Variants in RUBCN observed in about 807,000 individuals in gnomAD.
RUBCN encodes the protein rubicon autophagy regulator, also known as run domain Beclin-1-interacting and cysteine-rich domain-containing protein.
Under a neutral mutation model 113.2 loss-of-function variants are expected in RUBCN, and 74 were observed. That is an observed-to-expected ratio of 0.65 (90% confidence interval 0.54 to 0.79). RUBCN has a LOEUF of 0.79. Ranked by LOEUF, RUBCN falls within the 30% of genes least tolerant of loss-of-function variation. The pLI is 0.00. For synonymous variants in RUBCN, 480 were observed against 490.0 expected, an observed-to-expected ratio of 0.98 and a Z score of 0.27; for missense variants, 1,109 against 1,251.7, an observed-to-expected ratio of 0.89 and a Z score of 1.72.
intron 2 of RUBCN, among the ~76,000 whole-genome samples, chr3:197,711,141 T>C (rs973008614): frequency 6.6e-6 from 1 of 152,228 alleles, no homozygotes; most frequent in Non-Finnish European, 1.5e-5. Context: ...AGGATATTTA[T>C]ATACATAACT....
Position 197,696,079 on chromosome 3 carries a change from G to A in RUBCN, c.1358-98C>T. ...CTCCCAAGTCTTCCCAGGTAACTGG[G>A]AATTAGAGGTTGGAAGAAGATGTCC... On this transcript the variant is annotated intron_variant, in intron 8 of 19. Coordinates refer to ENST00000296343, the MANE Select transcript of RUBCN (RefSeq NM_014687.4). 2.6e-6 allele frequency: 3 copies of A among 1,173,334 alleles called. No homozygotes were observed. In the South Asian group the frequency reaches 3.8e-5, roughly 15 times the overall value. The allele number at this position is 1,173,334 out of a possible 1,614,324, so 72.7% of individuals were successfully genotyped here. A position where few individuals can be genotyped will look rare whatever the true frequency, so the allele number is the denominator to read the frequency against.
At position 197,684,179 on chromosome 3, in the gene RUBCN, A is replaced by G. The variant is rs774793498; in HGVS notation, c.1825T>C (p.Ser609Pro). ...IRRNTASSSKSFVSSQSFSHC... is the reference protein window; with the variant it reads ...IRRNTASSSKPFVSSQSFSHC... ...CACAAGGACTGGGAGGAAACGAAGGATTTGCTGCTTGAGGCTGTGTTCCTT... is the reference window on the plus strand; with the variant it reads ...CACAAGGACTGGGAGGAAACGAAGGGTTTGCTGCTTGAGGCTGTGTTCCTT... The change falls in exon 12 of 20, where the codon TCC (serine) becomes CCC (proline). Residue 609 changes from serine to proline, a missense_variant. Physicochemically the swap from Ser to Pro is moderately conservative, Grantham distance 74. Coordinates refer to ENST00000296343, the MANE Select transcript of RUBCN (RefSeq NM_014687.4). 5.5e-5 allele frequency: 89 copies of G among 1,613,368 alleles called. No homozygotes were observed. The highest frequency in any genetic ancestry group is 2.0e-4 in the South Asian group (18 of 91,068).
chr3:197,723,828 C>T (rs1726434048), intron 1 of RUBCN, among the ~76,000 whole-genome samples: 1 of 152,192 alleles, frequency 6.6e-6, no homozygotes, highest in Non-Finnish European at 1.5e-5. Context: ...GGCGCAGTGG[C>T]TCACGCCTGT....
At chr3:197,699,674 C>A (rs1241113649) in intron 7 of RUBCN, among the ~76,000 whole-genome samples, 3 of 152,114 alleles carry the variant, frequency 2.0e-5, no homozygotes, top group African/African-American at 7.2e-5. Context: ...AAATCACATT[C>A]TTGAGGGAAA....
chr3:197,722,013 C>T (rs751380706), intron 1 of RUBCN, among the ~76,000 whole-genome samples: 91 of 151,932 alleles, frequency 6.0e-4, no homozygotes, highest in African/African-American at 2.0e-3. Flanking sequence ...CCGAGGTGGG[C>T]GGATCACTTG....
At chr3:197,711,886 T>C (rs1483665880) in intron 2 of RUBCN, among the ~76,000 whole-genome samples, 1 of 152,170 alleles carries the variant, frequency 6.6e-6, no homozygotes, top group African/African-American at 2.4e-5. Context: ...AACACATAAA[T>C]ACATAGAAAA....
rs1400313335 is a variant in RUBCN at position 197,719,757 on chromosome 3, C to T, written c.66-1627G>A. Among the ~76,000 whole-genome samples the T allele has an allele frequency of 5.3e-5, 8 of 152,112 alleles. No individual in the cohort carries two copies. The East Asian group carries it at 1.5e-3, about 29-fold the overall frequency. On this transcript the variant is annotated intron_variant, in intron 1 of 19. Transcript: ENST00000296343. The stretch of plus-strand genomic sequence containing the variant: ...TGGTATCTGCTCATGTAGAAGAAAA[C>T]TTCTGTAAAAAATTGATTTACATAG...
At chr3:197,722,420 G>C (rs556090365) in intron 1 of RUBCN, among the ~76,000 whole-genome samples, 6 of 151,984 alleles carry the variant, frequency 3.9e-5, no homozygotes, top group African/African-American at 1.4e-4. Context: ...TGTCTGTTAG[G>C]TCCATTTAGT....
At chr3:197,704,892 G>A (rs1443755868) in intron 3 of RUBCN, among the ~76,000 whole-genome samples, 191 bp from the exon 4 acceptor site, 2 of 151,914 alleles carry the variant, frequency 1.3e-5, no homozygotes, top group Non-Finnish European at 2.9e-5. Flanking sequence ...GAGAAAAAGT[G>A]GCCTGGACCA....
In RUBCN at chr3:197,701,261, T is replaced by TA. The variant is rs1199567473; in HGVS notation, c.728-116dup. Reference sequence around the variant, plus strand: ...GTCACCTCAGAAACGGCAAGCCAAATAAAGTACAAAATTATTTAGAAGCAG... The same window carrying TA: ...GTCACCTCAGAAACGGCAAGCCAAATAAAAGTACAAAATTATTTAGAAGCAG... On this transcript the variant is annotated intron_variant, in intron 6 of 19. Transcript: ENST00000296343. 19 of 915,278 alleles carry TA rather than the reference T, an allele frequency of 2.1e-5. No homozygotes were observed. In the African/African-American group the frequency reaches 3.0e-4, roughly 15 times the overall value. 56.7% of individuals were successfully genotyped at this position (915,278 alleles called of 1,614,324 possible).
In RUBCN at chr3:197,736,853, C is replaced by T. The variant is rs958700216; in HGVS notation, c.-134G>A. 8.7e-6 allele frequency: 12 copies of T among 1,381,816 alleles called. No homozygotes were observed. In the East Asian group the frequency reaches 3.3e-4, roughly 37 times the overall value. 85.6% of individuals were successfully genotyped at this position (1,381,816 alleles called of 1,614,324 possible). ...CTCCGGGTGATGCGCTACACCCGGG[C>T]GGCGACAGCGGGAGGGACCGCCGCC... On this transcript the variant is annotated 5_prime_UTR_variant, in exon 1 of 20. Transcript: ENST00000296343.
chr3:197,721,529 T>A (rs1726164771), intron 1 of RUBCN, among the ~76,000 whole-genome samples: 1 of 152,112 alleles, frequency 6.6e-6, no homozygotes. Flanking sequence ...GTTAATTTTA[T>A]CTTCTGAAAC....
chr3:197,744,263 C>A (rs1215511481), intron 1 of RUBCN, among the ~76,000 whole-genome samples: 1 of 152,066 alleles, frequency 6.6e-6, no homozygotes, highest in African/African-American at 2.4e-5. Flanking sequence ...TCAAATCCAA[C>A]AACATGTAAA....
intron 2 of RUBCN, among the ~76,000 whole-genome samples, chr3:197,708,440 T>C (rs777804838): frequency 6.6e-6 from 1 of 151,400 alleles, no homozygotes; most frequent in East Asian, 1.9e-4. Flanking sequence ...CCGGCCTATA[T>C]GTAAACAACT....
Position 197,693,700 on chromosome 3 carries a change from A to T in RUBCN, c.1786+15T>A, listed in dbSNP as rs1722684390. The T allele has an allele frequency of 7.1e-6, 11 of 1,542,800 alleles. No homozygotes were observed. The highest frequency in any genetic ancestry group is 9.9e-6 in the Non-Finnish European group (11 of 1,114,956). Reference sequence around the variant, plus strand: ...CAGAATAAAAGTTCCCTTGTAACAAAGTGTCACTTCTTACCTTGGATTTCA... The same window carrying T: ...CAGAATAAAAGTTCCCTTGTAACAATGTGTCACTTCTTACCTTGGATTTCA... On this transcript the variant is annotated intron_variant, in intron 11 of 19. Coordinates refer to ENST00000296343, the MANE Select transcript of RUBCN (RefSeq NM_014687.4).
At chr3:197,706,442 G>T (rs141612739) in intron 2 of RUBCN, among the ~76,000 whole-genome samples, 4 of 152,098 alleles carry the variant, frequency 2.6e-5, no homozygotes, top group Admixed American at 2.6e-4. Context: ...CAGCACTTTG[G>T]GGGGCTGAGG....
At chr3:197,694,707 A>C (rs1427569619) in intron 9 of RUBCN, 122 bp from the exon 10 acceptor site, 1 of 844,140 alleles carries the variant, frequency 1.2e-6, no homozygotes, top group Non-Finnish European at 2.0e-6. Context: ...CCCTGGAGAA[A>C]TGGACATTTC....
intron 2 of RUBCN, among the ~76,000 whole-genome samples, chr3:197,709,919 C>A (rs569348636): frequency 2.0e-5 from 3 of 151,924 alleles, no homozygotes; most frequent in African/African-American, 7.2e-5. Flanking sequence ...CCGTTTAATC[C>A]CAGCATTTTG....
At position 197,686,532 on chromosome 3, in the gene RUBCN, G is replaced by A. The variant is rs927215355; in HGVS notation, c.1787-2315C>T. 5.3e-5 allele frequency among the ~76,000 whole-genome samples: 8 copies of A among 152,158 alleles called. No homozygotes were observed. The East Asian group carries it at 9.7e-4, about 18-fold the overall frequency. On this transcript the variant is annotated intron_variant, in intron 11 of 19. Coordinates refer to ENST00000296343, the MANE Select transcript of RUBCN (RefSeq NM_014687.4). Reference sequence around the variant, plus strand: ...GCAGCTCTGCGGGTCCTGGGCCTGCGCTGCAGCCCTCATCACTCTCTGGTC... The same window carrying A: ...GCAGCTCTGCGGGTCCTGGGCCTGCACTGCAGCCCTCATCACTCTCTGGTC...
Sources: allele counts gnomAD v4.1 joint callset (sites outside exome capture counted in the v4.1 genomes callset), GRCh38; gene constraint gnomAD v4.1.1; transcripts MANE v1.5; gene names NCBI Gene and HGNC (gene_info 2026-07-23, HGNC 2026-07-21).